The following ITGA11 variants were observed in gnomAD, a reference collection of about 807,000 sequenced individuals.
The protein encoded by ITGA11 is integrin alpha-11.
In ITGA11, 97 loss-of-function variants were observed where a neutral mutation model predicts 141.9. The observed-to-expected ratio is 0.68, with a 90% CI of 0.58 to 0.81. ITGA11 has a LOEUF of 0.81. ITGA11 is among the 30% of genes least tolerant of loss of function. ITGA11 has a pLI of 0.00. For missense variants in ITGA11, 1,387 were observed against 1,559.2 expected, an observed-to-expected ratio of 0.89 and a Z score of 1.86; for synonymous variants, 658 against 624.6, an observed-to-expected ratio of 1.05 and a Z score of -0.80.
chr15:68,379,040 G>A (rs1200964290), intron 2 of ITGA11, among the ~76,000 whole-genome samples: 1 of 152,218 alleles, frequency 6.6e-6, no homozygotes, highest in Non-Finnish European at 1.5e-5. Context: ...TGACTATGCG[G>A]AATAAAAGTA....
intron 12 of ITGA11, among the ~76,000 whole-genome samples, chr15:68,334,329 A>T (rs1894275339): frequency 6.6e-6 from 1 of 152,148 alleles, no homozygotes; most frequent in Non-Finnish European, 1.5e-5. Flanking sequence ...TAGGAGAGAG[A>T]GTCATCCTCA....
intron 22 of ITGA11, among the ~76,000 whole-genome samples, chr15:68,315,063 A>G (rs1893525494): frequency 6.6e-6 from 1 of 152,160 alleles, no homozygotes; most frequent in Non-Finnish European, 1.5e-5. Context: ...CCTGGGAGAC[A>G]GACAGACAGA....
chr15:68,320,967 G>A (rs112823526), intron 19 of ITGA11, among the ~76,000 whole-genome samples: 7 of 152,114 alleles, frequency 4.6e-5, no homozygotes, highest in African/African-American at 1.7e-4. Context: ...CTCTTCCAGG[G>A]GATTGTAGGT....
At chr15:68,341,296 CAT>C (rs1595867612) in intron 10 of ITGA11, among the ~76,000 whole-genome samples, 3 of 152,230 alleles carry the variant, frequency 2.0e-5, no homozygotes, top group Admixed American at 6.5e-5. Flanking sequence ...GCCAGGAACT[CAT>C]ATATTCGCTG....
chr15:68,394,286 G>C (rs1896182472), intron 2 of ITGA11, among the ~76,000 whole-genome samples: 1 of 152,034 alleles, frequency 6.6e-6, no homozygotes. Flanking sequence ...CCATGGAATT[G>C]AATTAGAAAT....
intron 1 of ITGA11, among the ~76,000 whole-genome samples, chr15:68,415,622 C>T (rs1896870367): frequency 6.6e-6 from 1 of 152,210 alleles, no homozygotes; most frequent in South Asian, 2.1e-4. Flanking sequence ...GAGGCAAGGC[C>T]TGTGTCATGG....
At chr15:68,377,362 C>G (rs79614325) in intron 2 of ITGA11, among the ~76,000 whole-genome samples, 1,803 of 152,200 alleles carry the variant, frequency 0.012, 44 homozygotes, top group African/African-American at 0.04. Context: ...ACCTCCACCC[C>G]GCTGGGTTCA....
At chr15:68,357,012 T>A (rs1017954553) in intron 7 of ITGA11, 139 bp downstream of exon 7, 59 of 811,016 alleles carry the variant, frequency 7.3e-5, no homozygotes, top group Non-Finnish European at 8.3e-5. Context: ...CTGAGCCCAG[T>A]CAAACTCCAG....
chr15:68,364,674 T>G, intron 4 of ITGA11, 33 bp downstream of exon 4: 7 of 770,394 alleles, frequency 9.1e-6, no homozygotes, highest in Non-Finnish European at 1.5e-5. Context: ...CCCCTGCCTC[T>G]CCTGACCCCA....
intron 1 of ITGA11, among the ~76,000 whole-genome samples, chr15:68,421,546 C>T (rs1313592958): frequency 6.6e-6 from 1 of 152,124 alleles, no homozygotes; most frequent in African/African-American, 2.4e-5. Flanking sequence ...TGCAAGGAGG[C>T]CAGTGAGGGG....
chr15:68,339,247 G>A (rs1179958672), intron 11 of ITGA11, among the ~76,000 whole-genome samples: 2 of 152,200 alleles, frequency 1.3e-5, no homozygotes, highest in Admixed American at 6.5e-5. Context: ...ACATTGAAGG[G>A]AGTGGGGAAC....
chr15:68,309,956 A>AT (rs367979500), intron 26 of ITGA11, among the ~76,000 whole-genome samples: 513 of 152,184 alleles, frequency 3.4e-3, no homozygotes, highest in African/African-American at 6.1e-3. Flanking sequence ...CCCTTTAAAG[A>AT]TTTTTTTTAA....
chr15:68,399,833 GA>G (rs1313944198), intron 2 of ITGA11, among the ~76,000 whole-genome samples: 2 of 151,982 alleles, frequency 1.3e-5, no homozygotes, highest in African/African-American at 4.8e-5. Context: ...AACAAGAGTT[GA>G]AAAACTACCT....
chr15:68,420,518 G>C (rs1896991179), intron 1 of ITGA11, among the ~76,000 whole-genome samples: 1 of 152,172 alleles, frequency 6.6e-6, no homozygotes. Flanking sequence ...TTCTTGTCTG[G>C]AAAGAAAGCC....
chr15:68,384,264 TAAAA>T (rs61654399), intron 2 of ITGA11, among the ~76,000 whole-genome samples: 1 of 132,660 alleles, frequency 7.5e-6, no homozygotes. Flanking sequence ...GGTTTGGCAT[TAAAA>T]AAAAAAAAAA....
intron 2 of ITGA11, among the ~76,000 whole-genome samples, chr15:68,382,018 G>C (rs752924246): frequency 2.2e-4 from 34 of 152,314 alleles, no homozygotes; most frequent in Admixed American, 1.4e-3. Flanking sequence ...CCGGCCTTGG[G>C]TTGCATTAGG....
intron 22 of ITGA11, among the ~76,000 whole-genome samples, chr15:68,314,384 G>A: frequency 6.6e-6 from 1 of 152,318 alleles, no homozygotes; most frequent in East Asian, 1.9e-4. Context: ...GTGAAATTCA[G>A]AGACATCTTC....
chr15:68,335,870 T>C lies in ITGA11; in HGVS notation c.1277-25A>G. 6.2e-7 allele frequency: 1 copy of C among 1,607,574 alleles called. No individual in the cohort carries two copies. On this transcript the variant is annotated intron_variant, in intron 11 of 29. Transcript: ENST00000315757. The surrounding 1 kb of genome is among the most constrained non-coding windows in gnomAD (Gnocchi z 4.9). ...CCTGCCACAGGAGGAAACAGGCTGA[T>C]CTTTGGCACCGTGTCCTCAGCAGGC...
chr15:68,355,387 G>T (rs1299521878), intron 7 of ITGA11, among the ~76,000 whole-genome samples: 1 of 152,144 alleles, frequency 6.6e-6, no homozygotes, highest in East Asian at 1.9e-4. Flanking sequence ...TTATGAGGTT[G>T]GAAAAGTCTT....
Sources: gnomAD v4.1 joint callset for allele counts (sites outside exome capture counted in the v4.1 genomes callset) on GRCh38, gnomAD v4.1.1 for gene constraint, Gnocchi (gnomAD v3.1) non-coding constraint, MANE v1.5 for transcripts, NCBI Gene and HGNC (gene_info 2026-07-23, HGNC 2026-07-21) for gene names.